Variants in SLC4A4 observed in about 807,000 individuals in gnomAD.
The protein encoded by SLC4A4 is electrogenic sodium bicarbonate cotransporter 1.
A neutral mutation model predicts 111.5 loss-of-function variants in SLC4A4; 27 were observed. The observed-to-expected ratio is 0.24, with a 90% CI of 0.18 to 0.33. The LOEUF is 0.33. Ranked by LOEUF, SLC4A4 falls within the 10% of genes least tolerant of loss-of-function variation. The pLI, the probability that SLC4A4 is intolerant of heterozygous loss-of-function variation, is 1.00. For synonymous variants in SLC4A4, 443 were observed against 463.4 expected (o/e 0.96, Z 0.57); for missense variants, 909 against 1,315.5 (o/e 0.69, Z 4.78).
intron 1 of SLC4A4, among the ~76,000 whole-genome samples, chr4:71,197,729 A>T (rs1746071564): frequency 6.6e-6 from 1 of 152,064 alleles, no homozygotes; most frequent in Non-Finnish European, 1.5e-5. Flanking sequence ...GTATAATAAT[A>T]AAAAAAAGAT....
intron 13 of SLC4A4, among the ~76,000 whole-genome samples, chr4:71,467,249 G>A (rs192338991): frequency 6.6e-6 from 1 of 152,128 alleles, no homozygotes; most frequent in Admixed American, 6.6e-5. Flanking sequence ...TGACTGACAT[G>A]CTAGAGAAAT....
intron 6 of SLC4A4, among the ~76,000 whole-genome samples, chr4:71,386,019 T>A (rs1487892684): frequency 3.3e-5 from 5 of 152,012 alleles, no homozygotes; most frequent in African/African-American, 1.2e-4. Flanking sequence ...TGGAGTTTTT[T>A]TTTTTGGCCC....
chr4:71,113,674 C>A (rs1049471665), intron 2 of SLC4A4, among the ~76,000 whole-genome samples: 2 of 152,154 alleles, frequency 1.3e-5, no homozygotes, highest in African/African-American at 4.8e-5. Context: ...ATAACCATGT[C>A]CCATAACTTA....
intron 14 of SLC4A4, among the ~76,000 whole-genome samples, chr4:71,480,718 TATC>T (rs1728796379): frequency 6.6e-6 from 1 of 151,706 alleles, no homozygotes. Context: ...AAAGTTTCAT[TATC>T]ATGGAAAATA....
intron 1 of SLC4A4, among the ~76,000 whole-genome samples, chr4:71,230,624 C>T (rs1024797352): frequency 2.6e-5 from 4 of 152,206 alleles, no homozygotes; most frequent in Non-Finnish European, 5.9e-5. Context: ...ATATTAAACT[C>T]TGGTATGGGC....
At chr4:71,555,318 T>G (rs988168363) in intron 21 of SLC4A4, 110 bp downstream of exon 21, 1 of 792,744 alleles carries the variant, frequency 1.3e-6, no homozygotes, top group African/African-American at 1.7e-5. Context: ...TGCTGAGTTT[T>G]TAAAATGCAT....
chr4:71,371,296 T>A (rs897590269), intron 6 of SLC4A4, among the ~76,000 whole-genome samples: 1 of 141,172 alleles, frequency 7.1e-6, no homozygotes, highest in African/African-American at 2.6e-5. Context: ...CAGGCTAGAG[T>A]GCAGTGGCTT....
intron 16 of SLC4A4, among the ~76,000 whole-genome samples, chr4:71,499,306 A>C (rs1379066329): frequency 6.6e-6 from 1 of 152,082 alleles, no homozygotes; most frequent in Non-Finnish European, 1.5e-5. Context: ...CCTTTTTCTA[A>C]ATTTTAAAAT....
chr4:71,079,117 C>A (rs1269341225), intron 1 of SLC4A4, among the ~76,000 whole-genome samples: 2 of 152,174 alleles, frequency 1.3e-5, no homozygotes, highest in Non-Finnish European at 2.9e-5. Flanking sequence ...CCACACCCAG[C>A]CTTGTATAAC....
At chr4:71,542,315 A>G (rs575303048) in intron 18 of SLC4A4, among the ~76,000 whole-genome samples, 9 of 152,180 alleles carry the variant, frequency 5.9e-5, no homozygotes, top group Middle Eastern at 6.8e-3. Flanking sequence ...CCTGGATTAT[A>G]ACAGTGTTGT....
intron 2 of SLC4A4, among the ~76,000 whole-genome samples, chr4:71,241,075 T>A (rs551038322): frequency 6.6e-6 from 1 of 151,994 alleles, no homozygotes; most frequent in Admixed American, 6.6e-5. Context: ...ACTGTGATTG[T>A]GTCACTGCAC....
At chr4:71,235,426 G>C (rs1719734403) in intron 1 of SLC4A4, among the ~76,000 whole-genome samples, 1 of 152,176 alleles carries the variant, frequency 6.6e-6, no homozygotes, top group Non-Finnish European at 1.5e-5. Context: ...GCATATAATT[G>C]GATGAATAGA....
At chr4:71,543,746 C>A (rs1436996593) in intron 18 of SLC4A4, among the ~76,000 whole-genome samples, 1 of 152,010 alleles carries the variant, frequency 6.6e-6, no homozygotes, top group Non-Finnish European at 1.5e-5. Flanking sequence ...TTTGTGGATT[C>A]TTCTCATTAT....
intron 16 of SLC4A4, among the ~76,000 whole-genome samples, chr4:71,501,502 GT>G (rs901647797): frequency 1.3e-5 from 2 of 148,466 alleles, no homozygotes; most frequent in African/African-American, 4.9e-5. Flanking sequence ...ATCTCTTAGA[GT>G]TTTTTTTATT....
intron 3 of SLC4A4, among the ~76,000 whole-genome samples, chr4:71,265,126 A>G (rs1477410772): frequency 6.6e-6 from 1 of 152,214 alleles, no homozygotes; most frequent in Non-Finnish European, 1.5e-5. Flanking sequence ...ATTAGTAAAA[A>G]CATCTAAGCA....
chr4:71,142,243 T>A (rs1327552724), intron 2 of SLC4A4, among the ~76,000 whole-genome samples: 1 of 152,242 alleles, frequency 6.6e-6, no homozygotes, highest in Admixed American at 6.5e-5. Context: ...AGTTGCAAGT[T>A]TGCCTCATGA....
At chr4:71,429,915 T>G (rs1723486371) in intron 7 of SLC4A4, among the ~76,000 whole-genome samples, 1 of 152,188 alleles carries the variant, frequency 6.6e-6, no homozygotes, top group Admixed American at 6.6e-5. Context: ...CTGGTCCTAT[T>G]TACCTCTTTG....
At chr4:71,525,195 G>A (rs1733306591) in intron 16 of SLC4A4, among the ~76,000 whole-genome samples, 1 of 152,012 alleles carries the variant, frequency 6.6e-6, no homozygotes, top group African/African-American at 2.4e-5. Flanking sequence ...ATGTTTATTT[G>A]AATTTCCTTT....
At chr4:71,273,146 T>C (rs1271377256) in intron 3 of SLC4A4, among the ~76,000 whole-genome samples, 1 of 152,156 alleles carries the variant, frequency 6.6e-6, no homozygotes, top group African/African-American at 2.4e-5. Flanking sequence ...ATATAATTAT[T>C]AACTCCATTT....
Sources: gnomAD v4.1 joint callset for allele counts (sites outside exome capture counted in the v4.1 genomes callset) on GRCh38, gnomAD v4.1.1 for gene constraint, MANE v1.5 for transcripts, NCBI Gene and HGNC (gene_info 2026-07-23, HGNC 2026-07-21) for gene names.